SEMA3D: variants seen among roughly 807,000 people sequenced by gnomAD.
SEMA3D encodes the protein semaphorin 3D.
In SEMA3D, 84 loss-of-function variants were observed where a neutral mutation model predicts 100.1. The ratio of observed to expected loss-of-function variants is 0.84; its 90% CI spans 0.70 to 1.01. The LOEUF (loss-of-function observed/expected upper bound fraction) is 1.01. Among genes scored for constraint, SEMA3D ranks in the 50% least tolerant of loss-of-function variants. SEMA3D has a pLI of 0.00. For missense variants in SEMA3D, 875 were observed against 934.1 expected, an observed-to-expected ratio of 0.94 and a Z score of 0.82; for synonymous variants, 312 against 320.7, an observed-to-expected ratio of 0.97 and a Z score of 0.29.
At chr7:85,196,048 C>A in the SEMA3D span, among the ~76,000 whole-genome samples, 1 of 152,050 alleles carries the variant, frequency 6.6e-6, no homozygotes, top group African/African-American at 2.4e-5. Context: ...GCATATATAA[C>A]CAAAGATGCT....
At chr7:85,147,390 T>C (rs999293590) in intron 2 of SEMA3D, among the ~76,000 whole-genome samples, 7 of 152,028 alleles carry the variant, frequency 4.6e-5, no homozygotes, top group Non-Finnish European at 1.5e-5. Flanking sequence ...CCTCAGGTGA[T>C]TCACCCACCT....
chr7:85,083,486 T>C (rs1180928061), intron 4 of SEMA3D, among the ~76,000 whole-genome samples: 1 of 152,178 alleles, frequency 6.6e-6, no homozygotes, highest in East Asian at 1.9e-4. Flanking sequence ...TGTTTGTTAT[T>C]TTTGTTCTGG....
intron 6 of SEMA3D, 81 bp from the exon 7 acceptor site, chr7:85,068,365 C>A: frequency 1.3e-6 from 1 of 760,976 alleles, no homozygotes; most frequent in South Asian, 1.5e-5. Context: ...AAACTAAATT[C>A]CAACTCATGA....
chr7:85,231,807 TC>T, the SEMA3D span, among the ~76,000 whole-genome samples: 2 of 152,106 alleles, frequency 1.3e-5, no homozygotes, highest in Non-Finnish European at 2.9e-5. Context: ...CATTTTTCCA[TC>T]TTTTTTTTCA....
intron 10 of SEMA3D, chr7:85,040,971 T>C (rs147339991): frequency 1.0e-4 from 30 of 289,402 alleles, no homozygotes; most frequent in African/African-American, 3.9e-4. Context: ...TCTGATTTCA[T>C]AGAAAATATA....
chr7:85,036,888 C>T lies in SEMA3D; in HGVS notation c.1191+1G>A. 6.2e-7 allele frequency: 1 copy of T among 1,609,736 alleles called. No homozygotes were observed. The highest frequency in any genetic ancestry group is 1.1e-5 in the South Asian group (1 of 90,300). On this transcript the variant is annotated splice_donor_variant, in intron 12 of 18. Coordinates refer to ENST00000284136, the MANE Select transcript of SEMA3D (RefSeq NM_001384900.1). LOFTEE classifies it high-confidence loss of function. ...ATTTGATTATTAAGTTGGATACATA[C>T]TGTACCAGGCCGTGGATAAGGAATT...
chr7:84,999,281 C>T lies in SEMA3D; in HGVS notation c.*159G>A. The T allele has an allele frequency of 1.2e-5, 7 of 605,652 alleles. No individual in the cohort carries two copies. The highest frequency in any genetic ancestry group is 3.1e-5 in the Admixed American group (1 of 31,872). The allele number at this position is 605,652 out of a possible 1,614,324, so 37.5% of individuals were successfully genotyped here. ...AAACTGGTTCAAATGAATTTTTTGC[C>T]CTTTCTTATATTCATCACATATTGT... On this transcript the variant is annotated 3_prime_UTR_variant, in exon 19 of 19. Transcript: ENST00000284136.
intron 3 of SEMA3D, among the ~76,000 whole-genome samples, chr7:85,120,345 A>C (rs1789372566): frequency 6.6e-6 from 1 of 152,108 alleles, no homozygotes; most frequent in Non-Finnish European, 1.5e-5. Flanking sequence ...TATGATTAAG[A>C]AATGGAAGAC....
the SEMA3D span, among the ~76,000 whole-genome samples, chr7:85,223,159 T>C: frequency 6.6e-6 from 1 of 152,070 alleles, no homozygotes. Flanking sequence ...AAATAGATGT[T>C]GGTGTGAATG....
intron 2 of SEMA3D, among the ~76,000 whole-genome samples, chr7:85,126,168 T>A (rs1789559704): frequency 6.6e-6 from 1 of 152,062 alleles, no homozygotes; most frequent in South Asian, 2.1e-4. Flanking sequence ...GATGGTAAAA[T>A]TTATTTGAGG....
chr7:85,146,560 A>T lies in SEMA3D; in HGVS notation c.-41+7048T>A, dbSNP rs181788417. Among the ~76,000 whole-genome samples the T allele has an allele frequency of 5.8e-3, 871 of 151,144 alleles. 6 individuals are homozygous for T. Among genetic ancestry groups the T allele is most frequent in the African/African-American group, 0.018 (730 of 41,224 alleles). On this transcript the variant is annotated intron_variant, in intron 2 of 18. Transcript: ENST00000284136. Reference sequence around the variant, plus strand: ...CAGAGTGAGACTCCATCTAAAAAAAAATATATATATATATTTTTTACTTAA... The same window carrying T: ...CAGAGTGAGACTCCATCTAAAAAAATATATATATATATATTTTTTACTTAA...
At chr7:85,174,937 T>C (rs1391233754) in intron 1 of SEMA3D, among the ~76,000 whole-genome samples, 1 of 152,138 alleles carries the variant, frequency 6.6e-6, no homozygotes, top group Non-Finnish European at 1.5e-5. Flanking sequence ...AAATTTACAG[T>C]AGATTTTTCT....
chr7:85,027,070 T>G (rs1208106810), intron 12 of SEMA3D, among the ~76,000 whole-genome samples: 1 of 152,054 alleles, frequency 6.6e-6, no homozygotes, highest in Non-Finnish European at 1.5e-5. Context: ...GATTTACTTC[T>G]GTAAAGCAAA....
the SEMA3D span, among the ~76,000 whole-genome samples, chr7:85,196,836 GC>G: frequency 1.3e-5 from 2 of 152,036 alleles, no homozygotes; most frequent in African/African-American, 4.8e-5. Context: ...AAGACAAAAT[GC>G]CAATAGTTAC....
intron 6 of SEMA3D, among the ~76,000 whole-genome samples, chr7:85,068,627 A>T (rs910078087): frequency 6.6e-6 from 1 of 152,156 alleles, no homozygotes; most frequent in Non-Finnish European, 1.5e-5. Context: ...TAACTTATTG[A>T]GCCTAATAAA....
At chr7:85,127,163 A>G (rs886441349) in intron 2 of SEMA3D, among the ~76,000 whole-genome samples, 1 of 152,106 alleles carries the variant, frequency 6.6e-6, no homozygotes, top group African/African-American at 2.4e-5. Flanking sequence ...CCTCTTTATG[A>G]TGGCCAATGA....
chr7:85,087,170 C>T (rs986672751), intron 4 of SEMA3D, among the ~76,000 whole-genome samples: 3 of 152,172 alleles, frequency 2.0e-5, no homozygotes, highest in African/African-American at 7.2e-5. Context: ...CGTATTTGTC[C>T]TTTAGAAAGT....
At chr7:85,100,264 G>C (rs1209245007) in intron 3 of SEMA3D, among the ~76,000 whole-genome samples, 1 of 151,058 alleles carries the variant, frequency 6.6e-6, no homozygotes, top group Non-Finnish European at 1.5e-5. Flanking sequence ...ACAAAACTAC[G>C]TAGCAGCAAA....
At chr7:85,225,103 T>TAC in the SEMA3D span, among the ~76,000 whole-genome samples, 1 of 12,994 alleles carries the variant, frequency 7.7e-5, no homozygotes, top group Non-Finnish European at 1.3e-4. Flanking sequence ...TATATATATA[T>TAC]ATACATACAT....
Sources: gnomAD v4.1 joint callset for allele counts (sites outside exome capture counted in the v4.1 genomes callset) on GRCh38, gnomAD v4.1.1 for gene constraint, MANE v1.5 for transcripts, NCBI Gene and HGNC (gene_info 2026-07-23, HGNC 2026-07-21) for gene names.